Variants in OR2B6 observed in about 807,000 individuals in gnomAD.
OR2B6 encodes olfactory receptor family 2 subfamily B member 6, also known as olfactory receptor 2B6.
For synonymous variants in OR2B6, 130 were observed against 142.7 expected (o/e 0.91, Z 0.63); for missense variants, 350 against 368.9 (o/e 0.95, Z 0.42).
Position 27,957,851 on chromosome 6 carries a change from A to T in OR2B6, c.611A>T (p.Glu204Val), listed in dbSNP as rs112779382. 20,048 of 1,614,006 alleles carry T rather than the reference A, an allele frequency of 0.012. 452 individuals are homozygous for T. The highest frequency in any genetic ancestry group is 0.078 in the South Asian group (7,127 of 91,074). ...GAGGCTGAACTATTCCTTGTCAGTG[A>T]GCTCTTCCATCTAATACCCCTGACA... ...ANEAELFLVS[E>V]LFHLIPLTLI... The change falls in exon 1 of 1, where the codon GAG becomes GTG. Residue 204 changes from glutamate (E) to valine (V), a missense_variant. Physicochemically the swap from Glu to Val is moderately radical, Grantham distance 121. Coordinates refer to ENST00000244623, the MANE Select transcript of OR2B6 (RefSeq NM_012367.1).
At position 27,957,739 on chromosome 6, in the gene OR2B6, C is replaced by T. The variant is rs1400567857; in HGVS notation, c.499C>T (p.Pro167Ser). The change falls in exon 1 of 1, where the codon CCA becomes TCA. Residue 167 changes from proline (P) to serine (S), a missense_variant. Coordinates refer to ENST00000244623, the MANE Select transcript of OR2B6 (RefSeq NM_012367.1). ...VWLSTLTLQLPLCDPYVIDHF... is the reference protein window; with the variant it reads ...VWLSTLTLQLSLCDPYVIDHF... ...GTTGTCTACCCTGACTCTCCAGCTG[C>T]CACTCTGTGACCCCTATGTGATAGA... is the stretch of plus-strand genomic sequence containing the variant. 6 of 1,613,954 alleles carry T rather than the reference C, an allele frequency of 3.7e-6. No homozygotes were observed. The African/African-American group carries it at 8.0e-5, about 22-fold the overall frequency.
Position 27,957,868 on chromosome 6 carries a change from C to G in OR2B6, c.628C>G (p.Pro210Ala). Reference sequence around the variant, plus strand: ...TGTCAGTGAGCTCTTCCATCTAATACCCCTGACACTCATCCTTATATCATA... The same window carrying G: ...TGTCAGTGAGCTCTTCCATCTAATAGCCCTGACACTCATCCTTATATCATA... ...FLVSELFHLI[P>A]LTLILISYAF... The change falls in exon 1 of 1, where the codon CCC becomes GCC. Residue 210 changes from proline to alanine, a missense_variant. Coordinates refer to ENST00000244623, the MANE Select transcript of OR2B6 (RefSeq NM_012367.1). 1 of 1,614,072 alleles carries G rather than the reference C, an allele frequency of 6.2e-7. No homozygotes were observed. Among genetic ancestry groups the G allele is most frequent in the Non-Finnish European group, 8.5e-7 (1 of 1,179,960 alleles).
chr6:27,957,726 G>A lies in OR2B6; in HGVS notation c.486G>A (p.Leu162=). The A allele has an allele frequency of 6.2e-7, 1 of 1,614,040 alleles. No individual in the cohort carries two copies. The highest frequency in any genetic ancestry group is 2.2e-5 in the East Asian group (1 of 44,872). The change falls in exon 1 of 1, where the codon CTG becomes CTA. Residue 162 remains leucine (L), a synonymous_variant. Coordinates refer to ENST00000244623, the MANE Select transcript of OR2B6 (RefSeq NM_012367.1). The part of the protein sequence containing the change: ...GFSNSVWLST[L]TLQLPLCDPY... Reference sequence around the variant, plus strand: ...GTAACTCAGTGTGGTTGTCTACCCTGACTCTCCAGCTGCCACTCTGTGACC... The same window carrying A: ...GTAACTCAGTGTGGTTGTCTACCCTAACTCTCCAGCTGCCACTCTGTGACC...
rs928312984 is a variant in OR2B6 at position 27,957,722 on chromosome 6, C to T, written c.482C>T (p.Thr161Ile). The change falls in exon 1 of 1, where the codon ACC becomes ATC. Residue 161 changes from threonine to isoleucine, a missense_variant. Physicochemically the swap from Thr to Ile is moderately conservative, Grantham distance 89. Coordinates refer to ENST00000244623, the MANE Select transcript of OR2B6 (RefSeq NM_012367.1). ...TGFSNSVWLS[T>I]LTLQLPLCDP... ...TTTAGTAACTCAGTGTGGTTGTCTA[C>T]CCTGACTCTCCAGCTGCCACTCTGT... is the stretch of plus-strand genomic sequence containing the variant. 6.2e-7 allele frequency: 1 copy of T among 1,614,042 alleles called. No individual in the cohort carries two copies. The highest frequency in any genetic ancestry group is 8.5e-7 in the Non-Finnish European group (1 of 1,179,982).
rs1762759453 is a variant in OR2B6 at position 27,957,575 on chromosome 6, A to G, written c.335A>G (p.Tyr112Cys). The change falls in exon 1 of 1, where the codon TAT becomes TGT. Residue 112 changes from tyrosine (Y) to cysteine (C), a missense_variant. Tyr to Cys is a radical substitution (Grantham distance 194). Coordinates refer to ENST00000244623, the MANE Select transcript of OR2B6 (RefSeq NM_012367.1). ...TTTCTGGCCTTGGGGGCTACTGAATATCTTCTCCTGGCCGTCATGTCCTTT... is the reference window on the plus strand; with the variant it reads ...TTTCTGGCCTTGGGGGCTACTGAATGTCTTCTCCTGGCCGTCATGTCCTTT... ...FIFLALGATE[Y>C]LLLAVMSFDR... 1.2e-6 allele frequency: 2 copies of G among 1,613,914 alleles called. No homozygotes were observed. The highest frequency in any genetic ancestry group is 1.7e-5 in the Admixed American group (1 of 59,970).
chr6:27,957,605 G>T lies in OR2B6; in HGVS notation c.365G>T (p.Arg122Met). Reference protein sequence around the residue: ...YLLLAVMSFDRFVAICRPLHY... With the variant: ...YLLLAVMSFDMFVAICRPLHY... Reference sequence around the variant, plus strand: ...CTCCTGGCCGTCATGTCCTTTGATAGGTTTGTAGCTATTTGTCGGCCTCTC... The same window carrying T: ...CTCCTGGCCGTCATGTCCTTTGATATGTTTGTAGCTATTTGTCGGCCTCTC... The change falls in exon 1 of 1, where the codon AGG becomes ATG. Residue 122 changes from arginine (R) to methionine (M), a missense_variant. By Grantham distance (91) the Arg-to-Met change is moderately conservative. Coordinates refer to ENST00000244623, the MANE Select transcript of OR2B6 (RefSeq NM_012367.1). 1 of 1,614,022 alleles carries T rather than the reference G, an allele frequency of 6.2e-7. No individual in the cohort carries two copies.
In OR2B6 at chr6:27,957,650, A is replaced by G; in HGVS notation, c.410A>G (p.His137Arg). Residue 137 changes from histidine to arginine, a missense_variant, in exon 1 of 1, where the codon CAC (histidine) becomes CGC (arginine). Physicochemically the swap from His to Arg is conservative, Grantham distance 29 (BLOSUM62 0). Coordinates refer to ENST00000244623, the MANE Select transcript of OR2B6 (RefSeq NM_012367.1). ...CRPLHYSVIM[H>R]QRLCLQLAAA... Reference sequence around the variant, plus strand: ...CCTCTCCATTACTCAGTTATCATGCACCAGAGACTCTGCCTCCAGTTGGCA... The same window carrying G: ...CCTCTCCATTACTCAGTTATCATGCGCCAGAGACTCTGCCTCCAGTTGGCA... 1 of 1,614,014 alleles carries G rather than the reference A, an allele frequency of 6.2e-7. No individual in the cohort carries two copies. Among genetic ancestry groups the G allele is most frequent in the Non-Finnish European group, 8.5e-7 (1 of 1,179,974 alleles).
At position 27,957,271 on chromosome 6, in the gene OR2B6, G is replaced by A. The variant is rs543977958; in HGVS notation, c.31G>A (p.Glu11Lys). The A allele has an allele frequency of 3.7e-6, 6 of 1,611,146 alleles. No homozygotes were observed. The South Asian group carries it at 6.6e-5, about 18-fold the overall frequency. MNWVNDSIIQ[E>K]FILLGFSDRP... ...TTGGGTAAATGACAGCATCATACAG[G>A]AGTTTATTCTGCTGGGTTTCTCAGA... The change falls in exon 1 of 1, where the codon GAG becomes AAG. Residue 11 changes from glutamate (E) to lysine (K), a missense_variant. Transcript: ENST00000244623.
chr6:27,957,404 T>A lies in OR2B6; in HGVS notation c.164T>A (p.Leu55His). 1 of 1,614,116 alleles carries A rather than the reference T, an allele frequency of 6.2e-7. No homozygotes were observed. Among genetic ancestry groups the A allele is most frequent in the Non-Finnish European group, 8.5e-7 (1 of 1,180,008 alleles). The change falls in exon 1 of 1, where the codon CTT (leucine) becomes CAT (histidine). Residue 55 changes from leucine to histidine, a missense_variant. Physicochemically the swap from Leu to His is moderately conservative, Grantham distance 99. Coordinates refer to ENST00000244623, the MANE Select transcript of OR2B6 (RefSeq NM_012367.1). ...IILVSRLDTKLHTPMYFFLTN... is the reference protein window; with the variant it reads ...IILVSRLDTKHHTPMYFFLTN... ...CTAGTGTCACGCCTGGACACCAAACTTCATACCCCCATGTATTTTTTTCTT... is the reference window on the plus strand; with the variant it reads ...CTAGTGTCACGCCTGGACACCAAACATCATACCCCCATGTATTTTTTTCTT...
rs1762767921 is a variant in OR2B6 at position 27,957,983 on chromosome 6, T to C, written c.743T>C (p.Val248Ala). 1 of 1,613,578 alleles carries C rather than the reference T, an allele frequency of 6.2e-7. No homozygotes were observed. Among genetic ancestry groups the C allele is most frequent in the African/African-American group, 1.3e-5 (1 of 74,976 alleles). The stretch of plus-strand genomic sequence containing the variant: ...ACATGTGGTTCCCATCTAATTGTGG[T>C]GTCTCTTTTTTATAGTACAGCCGTC... Reference protein sequence around the residue: ...FGTCGSHLIVVSLFYSTAVSV... With the variant: ...FGTCGSHLIVASLFYSTAVSV... Residue 248 changes from valine to alanine, a missense_variant, in exon 1 of 1, where the codon GTG (valine) becomes GCG (alanine). Val to Ala is a moderately conservative substitution (Grantham distance 64, BLOSUM62 0). Transcript: ENST00000244623.
At position 27,957,748 on chromosome 6, in the gene OR2B6, G is replaced by C; in HGVS notation, c.508G>C (p.Asp170His). The part of the protein sequence containing the change: ...STLTLQLPLC[D>H]PYVIDHFLCE... ...CCTGACTCTCCAGCTGCCACTCTGT[G>C]ACCCCTATGTGATAGATCACTTTCT... Residue 170 changes from aspartate (D) to histidine (H), a missense_variant, in exon 1 of 1, where the codon GAC (aspartate) becomes CAC (histidine). Asp to His is a moderately conservative substitution (Grantham distance 81, BLOSUM62 -1). Coordinates refer to ENST00000244623, the MANE Select transcript of OR2B6 (RefSeq NM_012367.1). The C allele has an allele frequency of 6.2e-7, 1 of 1,614,034 alleles. No individual in the cohort carries two copies. The highest frequency in any genetic ancestry group is 1.7e-4 in the Middle Eastern group (1 of 6,058).
chr6:27,958,020 GC>G lies in OR2B6; in HGVS notation c.781del (p.Gln261AsnfsTer25). ...FYSTAVSVYLQPPSPSSKDQG... is the reference protein window; with the variant it reads ...FYSTAVSVYLXPPSPSSKDQG... ...ATAGTACAGCCGTCTCTGTGTACCT[GC>G]AACCACCTTCGCCCAGCTCCAAGGA... On this transcript the variant is annotated frameshift_variant, in exon 1 of 1. Coordinates refer to ENST00000244623, the MANE Select transcript of OR2B6 (RefSeq NM_012367.1). LOFTEE classifies it low-confidence loss of function (END_TRUNC). 6.2e-7 allele frequency: 1 copy of G among 1,613,920 alleles called. No individual in the cohort carries two copies.
chr6:27,958,040 C>A lies in OR2B6; in HGVS notation c.800C>A (p.Ser267Tyr), dbSNP rs1428766155. The part of the protein sequence containing the change: ...SVYLQPPSPS[S>Y]KDQGKMVSLF... ...TACCTGCAACCACCTTCGCCCAGCTCCAAGGACCAAGGAAAGATGGTTTCT... is the reference window on the plus strand; with the variant it reads ...TACCTGCAACCACCTTCGCCCAGCTACAAGGACCAAGGAAAGATGGTTTCT... Residue 267 changes from serine (S) to tyrosine (Y), a missense_variant, in exon 1 of 1, where the codon TCC becomes TAC. By Grantham distance (144) the Ser-to-Tyr change is moderately radical. Coordinates refer to ENST00000244623, the MANE Select transcript of OR2B6 (RefSeq NM_012367.1). 3 of 1,613,832 alleles carry A rather than the reference C, an allele frequency of 1.9e-6. No homozygotes were observed. The highest frequency in any genetic ancestry group is 2.5e-6 in the Non-Finnish European group (3 of 1,179,960).
chr6:27,958,032 G>T lies in OR2B6; in HGVS notation c.792G>T (p.Ser264=). ...TAVSVYLQPP[S]PSSKDQGKMV... ...TCTCTGTGTACCTGCAACCACCTTCGCCCAGCTCCAAGGACCAAGGAAAGA... is the reference window on the plus strand; with the variant it reads ...TCTCTGTGTACCTGCAACCACCTTCTCCCAGCTCCAAGGACCAAGGAAAGA... The change falls in exon 1 of 1, where the codon TCG becomes TCT. Residue 264 remains serine (S), a synonymous_variant. Coordinates refer to ENST00000244623, the MANE Select transcript of OR2B6 (RefSeq NM_012367.1). The T allele has an allele frequency of 1.9e-6, 3 of 1,613,838 alleles. No homozygotes were observed. The highest frequency in any genetic ancestry group is 2.5e-6 in the Non-Finnish European group (3 of 1,179,936).
Position 27,957,830 on chromosome 6 carries a change from C to T in OR2B6, c.590C>T (p.Ala197Val). The T allele has an allele frequency of 6.2e-7, 1 of 1,614,100 alleles. No individual in the cohort carries two copies. Among genetic ancestry groups the T allele is most frequent in the Non-Finnish European group, 8.5e-7 (1 of 1,179,966 alleles). ...LSCVETTANE[A>V]ELFLVSELFH... Reference sequence around the variant, plus strand: ...TGTGTTGAGACAACAGCAAATGAGGCTGAACTATTCCTTGTCAGTGAGCTC... The same window carrying T: ...TGTGTTGAGACAACAGCAAATGAGGTTGAACTATTCCTTGTCAGTGAGCTC... The change falls in exon 1 of 1, where the codon GCT becomes GTT. Residue 197 changes from alanine to valine, a missense_variant. By Grantham distance (64) the Ala-to-Val change is moderately conservative (BLOSUM62 0). Transcript: ENST00000244623.
chr6:27,958,005 C>A lies in OR2B6; in HGVS notation c.765C>A (p.Ala255=). The A allele has an allele frequency of 6.2e-7, 1 of 1,613,914 alleles. No homozygotes were observed. Among genetic ancestry groups the A allele is most frequent in the East Asian group, 2.2e-5 (1 of 44,868 alleles). The change falls in exon 1 of 1, where the codon GCC becomes GCA. Residue 255 remains alanine (A), a synonymous_variant. Transcript: ENST00000244623. ...TGGTGTCTCTTTTTTATAGTACAGC[C>A]GTCTCTGTGTACCTGCAACCACCTT... ...LIVVSLFYST[A]VSVYLQPPSP... is the part of the protein sequence containing the mutation.
In OR2B6 at chr6:27,957,252, A is replaced by T. The variant is rs1007057782; in HGVS notation, c.12A>T (p.Val4=). The T allele has an allele frequency of 1.3e-6, 2 of 1,590,672 alleles. No individual in the cohort carries two copies. The highest frequency in any genetic ancestry group is 2.7e-5 in the African/African-American group (2 of 73,854). ...TTGAAACATTAATCATGAATTGGGT[A>T]AATGACAGCATCATACAGGAGTTTA... MNW[V]NDSIIQEFIL... Residue 4 remains valine, a synonymous_variant, in exon 1 of 1, where the codon GTA becomes GTT. Coordinates refer to ENST00000244623, the MANE Select transcript of OR2B6 (RefSeq NM_012367.1).
At position 27,957,837 on chromosome 6, in the gene OR2B6, A is replaced by G. The variant is rs1762765461; in HGVS notation, c.597A>G (p.Leu199=). The stretch of plus-strand genomic sequence containing the variant: ...AGACAACAGCAAATGAGGCTGAACT[A>G]TTCCTTGTCAGTGAGCTCTTCCATC... ...CVETTANEAE[L]FLVSELFHLI... Residue 199 remains leucine (L), a synonymous_variant, in exon 1 of 1, where the codon CTA becomes CTG. Transcript: ENST00000244623. 1 of 1,613,948 alleles carries G rather than the reference A, an allele frequency of 6.2e-7. No individual in the cohort carries two copies.
chr6:27,957,446 TG>T lies in OR2B6; in HGVS notation c.208del (p.Asp70IlefsTer13). On this transcript the variant is annotated frameshift_variant, in exon 1 of 1. Transcript: ENST00000244623. LOFTEE classifies it low-confidence loss of function (END_TRUNC). ...TTTTTTCTTACCAATCTATCACTCC[TG>T]GATCTTTGTTACACCACATGTACAG... is the stretch of plus-strand genomic sequence containing the variant. ...MYFFLTNLSL[L>X]DLCYTTCTVP... The T allele has an allele frequency of 6.2e-7, 1 of 1,614,114 alleles. No homozygotes were observed. The highest frequency in any genetic ancestry group is 8.5e-7 in the Non-Finnish European group (1 of 1,179,972).
Sources: allele counts gnomAD v4.1 joint callset, GRCh38; gene constraint gnomAD v4.1.1; transcripts MANE v1.5; gene names NCBI Gene and HGNC (gene_info 2026-07-23, HGNC 2026-07-21).